Variants in LCP1 observed in about 807,000 individuals in gnomAD.
LCP1 encodes lymphocyte cytosolic protein 1.
A neutral mutation model predicts 72.0 loss-of-function variants in LCP1; 23 were observed. The ratio of observed to expected loss-of-function variants is 0.32; its 90% CI spans 0.23 to 0.45. LCP1 has a LOEUF of 0.45. Among genes scored for constraint, LCP1 ranks in the 20% least tolerant of loss-of-function variants. The pLI, the probability that LCP1 is intolerant of heterozygous loss-of-function variation, is 1.00. For missense variants in LCP1, 571 were observed against 748.3 expected (o/e 0.76, Z 2.76); for synonymous variants, 245 against 275.4 (o/e 0.89, Z 1.09).
At position 46,134,269 on chromosome 13, in the gene LCP1, G is replaced by A; in HGVS notation, c.1503-19C>T. Reference sequence around the variant, plus strand: ...TGTATACCTGAACAAAATAAAGAATGCTTTCTGGAGAACAGTTGCTAAAGA... The same window carrying A: ...TGTATACCTGAACAAAATAAAGAATACTTTCTGGAGAACAGTTGCTAAAGA... On this transcript the variant is annotated intron_variant, in intron 13 of 15. Transcript: ENST00000323076. 6.2e-7 allele frequency: 1 copy of A among 1,601,776 alleles called. No individual in the cohort carries two copies. The highest frequency in any genetic ancestry group is 8.5e-7 in the Non-Finnish European group (1 of 1,173,980).
intron 13 of LCP1, among the ~76,000 whole-genome samples, chr13:46,140,025 T>C (rs2045687922): frequency 3.3e-5 from 5 of 152,028 alleles, no homozygotes; most frequent in Admixed American, 3.3e-4. Flanking sequence ...AGCCTTAAGA[T>C]TTTTCCAGCA....
chr13:46,158,632 C>T lies in LCP1; in HGVS notation c.248G>A (p.Ser83Asn). Reference protein sequence around the residue: ...EFIKIFHGLKSTDVAKTFRKA... With the variant: ...EFIKIFHGLKNTDVAKTFRKA... ...TCTAAAGGTCTTGGCAACATCTGTG[C>T]TTTTTAGGCCATGGAAAATCTGCAA... is the stretch of plus-strand genomic sequence containing the variant. Residue 83 changes from serine to asparagine, a missense_variant, in exon 4 of 16, where the codon AGC (serine) becomes AAC (asparagine). Transcript: ENST00000323076. 1 of 1,614,098 alleles carries T rather than the reference C, an allele frequency of 6.2e-7. No individual in the cohort carries two copies. Among genetic ancestry groups the T allele is most frequent in the Non-Finnish European group, 8.5e-7 (1 of 1,180,022 alleles).
chr13:46,140,653 C>G (rs2045691884), intron 13 of LCP1, among the ~76,000 whole-genome samples: 1 of 151,874 alleles, frequency 6.6e-6, no homozygotes, highest in Admixed American at 6.6e-5. Context: ...AAAAATATGA[C>G]TCATAATGAA....
chr13:46,172,949 A>C (rs1043014517), intron 1 of LCP1, among the ~76,000 whole-genome samples: 3 of 152,180 alleles, frequency 2.0e-5, no homozygotes, highest in Non-Finnish European at 4.4e-5. Context: ...GAACCTCTGG[A>C]GTCTTAGTTT....
intron 5 of LCP1, 133 bp downstream of exon 5, chr13:46,156,305 A>C (rs2045800604): frequency 1.0e-5 from 10 of 962,140 alleles, no homozygotes; most frequent in Non-Finnish European, 1.6e-5. Flanking sequence ...GACCTGGCCA[A>C]GTGAAAGTCC....
At chr13:46,155,053 C>A (rs962967683) in intron 5 of LCP1, among the ~76,000 whole-genome samples, 167 bp from the exon 6 acceptor site, 1 of 152,078 alleles carries the variant, frequency 6.6e-6, no homozygotes, top group East Asian at 1.9e-4. Context: ...AAACTATCTG[C>A]GGGAAAGGTG....
chr13:46,161,629 C>T (rs879694804), intron 1 of LCP1, among the ~76,000 whole-genome samples: 7 of 152,074 alleles, frequency 4.6e-5, no homozygotes, highest in Non-Finnish European at 8.8e-5. Flanking sequence ...TTTCAGAATG[C>T]CTTTTTCCAA....
intron 13 of LCP1, among the ~76,000 whole-genome samples, 200 bp downstream of exon 13, chr13:46,142,091 TA>T (rs1489826468): frequency 2.7e-5 from 4 of 150,308 alleles, no homozygotes; most frequent in African/African-American, 9.8e-5. Context: ...ATGAACCTAA[TA>T]ACAGAGTTTC....
chr13:46,169,986 G>A (rs781614707), intron 1 of LCP1, among the ~76,000 whole-genome samples: 8 of 152,200 alleles, frequency 5.3e-5, no homozygotes, highest in Non-Finnish European at 8.8e-5. Context: ...CTTTGGTCCA[G>A]ATCTCTGTAG....
At chr13:46,159,798 C>T (rs2045826812) in intron 1 of LCP1, 112 bp from the exon 2 acceptor site, 1 of 664,954 alleles carries the variant, frequency 1.5e-6, no homozygotes, top group South Asian at 1.8e-5. Flanking sequence ...CTGCATCCCC[C>T]ATGATTTAGA....
intron 5 of LCP1, among the ~76,000 whole-genome samples, chr13:46,156,046 A>C (rs2045799447): frequency 6.6e-6 from 1 of 152,184 alleles, no homozygotes; most frequent in African/African-American, 2.4e-5. Flanking sequence ...GCCTGATCCA[A>C]CTTTATACTT....
intron 13 of LCP1, among the ~76,000 whole-genome samples, chr13:46,141,431 C>CAACAATGTA (rs1167094567): frequency 9.1e-6 from 1 of 109,418 alleles, no homozygotes; most frequent in Non-Finnish European, 1.9e-5. Context: ...AAAAAAGAAA[C>CAACAATGTA]AACAATGTAC....
At chr13:46,170,528 C>A (rs1255708884) in intron 1 of LCP1, among the ~76,000 whole-genome samples, 9 of 152,156 alleles carry the variant, frequency 5.9e-5, no homozygotes, top group African/African-American at 2.2e-4. Context: ...GGGAAAGGAA[C>A]CTTGGAGACA....
chr13:46,163,079 C>T (rs1330962784), intron 1 of LCP1, among the ~76,000 whole-genome samples: 3 of 151,648 alleles, frequency 2.0e-5, no homozygotes, highest in Non-Finnish European at 2.9e-5. Flanking sequence ...TCTGCCCTGC[C>T]GCCCCTTCTG....
At chr13:46,162,589 C>G (rs1205881929) in intron 1 of LCP1, among the ~76,000 whole-genome samples, 1 of 152,100 alleles carries the variant, frequency 6.6e-6, no homozygotes, top group African/African-American at 2.4e-5. Flanking sequence ...GGCGGAGTCT[C>G]GTTCACTCAG....
At chr13:46,162,785 T>C (rs2045849840) in intron 1 of LCP1, among the ~76,000 whole-genome samples, 1 of 151,436 alleles carries the variant, frequency 6.6e-6, no homozygotes, top group Non-Finnish European at 1.5e-5. Flanking sequence ...GGGGAGCGCC[T>C]CTGCCCCGCC....
intron 4 of LCP1, among the ~76,000 whole-genome samples, chr13:46,157,741 CTTTTTTTTTT>C (rs548259648): frequency 2.0e-5 from 2 of 99,790 alleles, no homozygotes; most frequent in Non-Finnish European, 3.9e-5. Flanking sequence ...CATGACTTAT[CTTTTTTTTTT>C]TTTTTTTTTT....
chr13:46,148,877 T>G, intron 8 of LCP1: 1 of 512,774 alleles, frequency 2.0e-6, no homozygotes, highest in Non-Finnish European at 2.5e-6. Context: ...AAAATACATT[T>G]AAATGGACAA....
intron 1 of LCP1, among the ~76,000 whole-genome samples, chr13:46,167,116 C>G (rs1481490341): frequency 6.6e-6 from 1 of 152,148 alleles, no homozygotes; most frequent in African/African-American, 2.4e-5. Flanking sequence ...TCTGCAGGCT[C>G]TGATGTAAAT....
Sources: gnomAD v4.1 joint callset for allele counts (sites outside exome capture counted in the v4.1 genomes callset) on GRCh38, gnomAD v4.1.1 for gene constraint, MANE v1.5 for transcripts, NCBI Gene and HGNC (gene_info 2026-07-23, HGNC 2026-07-21) for gene names.